GRAMD1B: variants seen among roughly 807,000 people sequenced by gnomAD.
The protein encoded by GRAMD1B is protein Aster-B.
In GRAMD1B, 37 loss-of-function variants were observed where a neutral mutation model predicts 99.7. That is an observed-to-expected ratio of 0.37 (90% CI 0.29 to 0.49). The LOEUF (loss-of-function observed/expected upper bound fraction) is 0.49. Ranked by LOEUF, GRAMD1B falls within the 20% of genes least tolerant of loss-of-function variation. The probability of loss-of-function intolerance (pLI) is 0.98; values close to 1 mark genes in which losing one functional copy is unlikely to be tolerated. For synonymous variants in GRAMD1B, 427 were observed against 387.6 expected, an observed-to-expected ratio of 1.10 and a Z score of -1.19; for missense variants, 888 against 1,009.2, an observed-to-expected ratio of 0.88 and a Z score of 1.63.
chr11:123,440,197 G>GA (rs1949342773), intron 1 of GRAMD1B, among the ~76,000 whole-genome samples: 1 of 152,210 alleles, frequency 6.6e-6, no homozygotes, highest in South Asian at 2.1e-4. Flanking sequence ...GTGAGCACAA[G>GA]AAATCATTTT....
At chr11:123,449,340 T>C (rs528224467) in intron 1 of GRAMD1B, among the ~76,000 whole-genome samples, 7 of 152,228 alleles carry the variant, frequency 4.6e-5, no homozygotes, top group Non-Finnish European at 1.0e-4. Context: ...AGCATGTGTT[T>C]AGGGAATGAA....
At chr11:123,489,573 A>T (rs1370416658) in intron 2 of GRAMD1B, among the ~76,000 whole-genome samples, 1 of 152,184 alleles carries the variant, frequency 6.6e-6, no homozygotes, top group Non-Finnish European at 1.5e-5. Context: ...AAGGACTAAA[A>T]AGAATCCTCT....
rs1050751621 is a variant in GRAMD1B at position 123,625,532 on chromosome 11, C to G, written c.*2937C>G. The stretch of plus-strand genomic sequence containing the variant: ...CACCTCTTTGGGGACAAGAGGATTA[C>G]ATCTCAGGCCAGCAAGATCAGCTGC... On this transcript the variant is annotated 3_prime_UTR_variant, in exon 20 of 20. Transcript: ENST00000635736. 6.6e-6 allele frequency: 1 copy of G among 152,258 alleles called. No individual in the cohort carries two copies. The highest frequency in any genetic ancestry group is 1.5e-5 in the Non-Finnish European group (1 of 68,062). 9.4% of individuals were successfully genotyped at this position (152,258 alleles called of 1,614,324 possible).
intron 2 of GRAMD1B, among the ~76,000 whole-genome samples, chr11:123,570,627 T>A (rs1947974198): frequency 6.6e-6 from 1 of 152,072 alleles, no homozygotes; most frequent in Non-Finnish European, 1.5e-5. Flanking sequence ...TTTCACCATG[T>A]TGGTCAGGCT....
intron 1 of GRAMD1B, among the ~76,000 whole-genome samples, chr11:123,391,167 G>A (rs967884740): frequency 2.9e-4 from 44 of 152,046 alleles, no homozygotes; most frequent in African/African-American, 9.2e-4. Context: ...CCATAATCCC[G>A]CCACTTGCCC....
chr11:123,467,807 CTTTCT>C (rs201092180), intron 1 of GRAMD1B, among the ~76,000 whole-genome samples: 1 of 146,592 alleles, frequency 6.8e-6, no homozygotes, highest in African/African-American at 2.6e-5. Context: ...CCTTCTTTTT[CTTTCT>C]TTTCTTTTCC....
chr11:123,511,183 C>T (rs765681264), intron 2 of GRAMD1B, among the ~76,000 whole-genome samples: 3 of 152,132 alleles, frequency 2.0e-5, no homozygotes, highest in Non-Finnish European at 2.9e-5. Context: ...TTTTGCTTCT[C>T]CCTGTTGTAT....
intron 2 of GRAMD1B, among the ~76,000 whole-genome samples, chr11:123,572,935 C>T (rs1363750345): frequency 6.7e-6 from 1 of 149,154 alleles, no homozygotes; most frequent in Non-Finnish European, 1.5e-5. Flanking sequence ...CACAAAGAGG[C>T]CCCGATGGCT....
chr11:123,378,465 C>A (rs1004447255), intron 1 of GRAMD1B, among the ~76,000 whole-genome samples: 1 of 152,170 alleles, frequency 6.6e-6, no homozygotes, highest in Non-Finnish European at 1.5e-5. Context: ...ATATGATTTG[C>A]AAAACTTCTC....
rs990636855 is a variant in GRAMD1B, at chr11:123,591,636, A to C, written c.685-2446A>C. The C allele has an allele frequency of 7.6e-6, 3 of 397,084 alleles. No homozygotes were observed. The highest frequency in any genetic ancestry group is 6.2e-5 in the African/African-American group (3 of 48,574). 24.6% of individuals were successfully genotyped at this position (397,084 alleles called of 1,614,324 possible). On this transcript the variant is annotated intron_variant, in intron 4 of 19. Transcript: ENST00000635736. This position sits in a 1 kb window ranked among gnomAD's most constrained non-coding sequence, Gnocchi z 4.7. Reference sequence around the variant, plus strand: ...CCTACCCGAAGGCCCCAGATTTGACAATCTTGGAACCGAAATTATTTGACC... The same window carrying C: ...CCTACCCGAAGGCCCCAGATTTGACCATCTTGGAACCGAAATTATTTGACC...
At chr11:123,548,069 T>C (rs972248895) in intron 2 of GRAMD1B, among the ~76,000 whole-genome samples, 2 of 151,740 alleles carry the variant, frequency 1.3e-5, no homozygotes, top group African/African-American at 4.8e-5. Flanking sequence ...GTATGGACTG[T>C]AGGATGGGAA....
At position 123,598,526 on chromosome 11, in the gene GRAMD1B, G is replaced by C. The variant is rs562867011; in HGVS notation, c.970-1942G>C. The C allele has an allele frequency of 3.4e-6, 5 of 1,484,936 alleles. No homozygotes were observed. The African/African-American group carries it at 6.9e-5, about 21-fold the overall frequency. 92.0% of individuals were successfully genotyped at this position (1,484,936 alleles called of 1,614,324 possible). A position where few individuals can be genotyped will look rare whatever the true frequency, so the allele number is the denominator to read the frequency against. On this transcript the variant is annotated intron_variant, in intron 7 of 19. Transcript: ENST00000635736. ...TGTTCCTCTCAGTGTCTTACTTGGT[G>C]CCCTTTGACTTGGGATTTTTGGCAA...
intron 1 of GRAMD1B, among the ~76,000 whole-genome samples, chr11:123,447,342 G>T (rs1322234207): frequency 6.6e-6 from 1 of 152,178 alleles, no homozygotes. Flanking sequence ...CATGAAGCTG[G>T]TCAGTGACAG....
At chr11:123,504,270 C>T (rs1247610430) in intron 2 of GRAMD1B, among the ~76,000 whole-genome samples, 2 of 152,196 alleles carry the variant, frequency 1.3e-5, no homozygotes, top group African/African-American at 4.8e-5. Context: ...AGCAAGACGC[C>T]ATGGGAGGCT....
Position 123,430,891 on chromosome 11 carries a change from G to A in GRAMD1B, c.99G>A (p.Ser33=). 1 of 702,550 alleles carries A rather than the reference G, an allele frequency of 1.4e-6. No homozygotes were observed. Among genetic ancestry groups the A allele is most frequent in the Non-Finnish European group, 2.6e-6 (1 of 384,824 alleles). 43.5% of individuals were successfully genotyped at this position (702,550 alleles called of 1,614,324 possible). A position where few individuals can be genotyped will look rare whatever the true frequency, so the allele number is the denominator to read the frequency against. Residue 33 remains serine, a synonymous_variant, in exon 1 of 20, where the codon TCG becomes TCA. Coordinates refer to ENST00000635736, the MANE Select transcript of GRAMD1B (RefSeq NM_001387025.1). Reference sequence around the variant, plus strand: ...AGGGCAGCCCGGTCTGGTCCAGTTCGTCGACCCCCACGCTTCGCCGCCGGC... The same window carrying A: ...AGGGCAGCCCGGTCTGGTCCAGTTCATCGACCCCCACGCTTCGCCGCCGGC... ...APEGSPVWSS[S]STPTLRRRRF...
rs192316758 is a variant in GRAMD1B, at chr11:123,421,681, T to C, written c.-175-59135T>C. ...CCAACTGTCAGACAGAATTAATATATCTTCCAGAGGTATCTGCTTACATCC... is the reference window on the plus strand; with the variant it reads ...CCAACTGTCAGACAGAATTAATATACCTTCCAGAGGTATCTGCTTACATCC... On this transcript the variant is annotated intron_variant, in intron 1 of 20. Coordinates refer to the GRAMD1B transcript ENST00000638157. Among the ~76,000 whole-genome samples the C allele has an allele frequency of 1.9e-4, 29 of 152,352 alleles. No homozygotes were observed. The East Asian group carries it at 4.6e-3, about 24-fold the overall frequency.
rs991385741 is a variant in GRAMD1B at position 123,375,692 on chromosome 11, T to C, written c.-176+16893T>C. 4.6e-5 allele frequency among the ~76,000 whole-genome samples: 7 copies of C among 152,106 alleles called. 1 individual carries two copies. Among genetic ancestry groups the C allele is most frequent in the Non-Finnish European group, 1.0e-4 (7 of 68,030 alleles). ...CCTTGAACACTGGGCAAGGTTTATA[T>C]AGATGGAAAATAAATAAGAAACACA... On this transcript the variant is annotated intron_variant, in intron 1 of 20. Coordinates refer to the GRAMD1B transcript ENST00000638157.
intron 2 of GRAMD1B, among the ~76,000 whole-genome samples, chr11:123,564,522 C>A (rs1379485731): frequency 6.6e-6 from 1 of 152,252 alleles, no homozygotes; most frequent in Non-Finnish European, 1.5e-5. Context: ...CCTCAGTTTC[C>A]TGACCTGTCT....
rs534444813 is a variant in GRAMD1B, at chr11:123,595,455, G to A, written c.874-487G>A. On this transcript the variant is annotated intron_variant, in intron 6 of 19. Coordinates refer to ENST00000635736, the MANE Select transcript of GRAMD1B (RefSeq NM_001387025.1). ...ATTACAGGCATGCGCCACCACGCCC[G>A]CTAATTTTGTATTTTTTAAGTAGAG... Among the ~76,000 whole-genome samples, 49 of 152,032 alleles carry A rather than the reference G, an allele frequency of 3.2e-4. 1 individual carries two copies. The highest frequency in any genetic ancestry group is 2.0e-3 in the Admixed American group (31 of 15,272).
Sources: gnomAD v4.1 joint callset for allele counts (sites outside exome capture counted in the v4.1 genomes callset) on GRCh38, gnomAD v4.1.1 for gene constraint, Gnocchi (gnomAD v3.1) non-coding constraint, MANE v1.5 for transcripts, NCBI Gene and HGNC (gene_info 2026-07-23, HGNC 2026-07-21) for gene names.